Variants in DGCR2 observed in about 807,000 individuals in gnomAD.
DGCR2 encodes the protein DiGeorge syndrome critical region gene 2, also known as integral membrane protein DGCR2/IDD.
DGCR2 carries 24 observed loss-of-function variants against 51.6 expected under a neutral mutation model. The observed-to-expected ratio is 0.47, with a 90% confidence interval of 0.34 to 0.65. DGCR2 has a LOEUF of 0.65. Ranked by LOEUF, DGCR2 falls within the 30% of genes least tolerant of loss-of-function variation. The pLI, the probability that DGCR2 is intolerant of heterozygous loss-of-function variation, is 0.01. For synonymous variants in DGCR2, 340 were observed against 315.4 expected (o/e 1.08, Z -0.82); for missense variants, 765 against 772.1 (o/e 0.99, Z 0.11).
intron 1 of DGCR2, among the ~76,000 whole-genome samples, chr22:19,099,496 TCACCTCA>T (rs1300879623): frequency 4.6e-5 from 7 of 151,738 alleles, no homozygotes. Context: ...GGTGGGAGAA[TCACCTCA>T]GCCTGAGAAG....
intron 2 of DGCR2, among the ~76,000 whole-genome samples, chr22:19,068,460 T>C (rs2082776022): frequency 1.3e-5 from 2 of 152,202 alleles, no homozygotes; most frequent in Admixed American, 6.5e-5. Context: ...TAAGTTACTA[T>C]TGTGAAATGG....
chr22:19,075,698 G>T (rs2082868101), intron 2 of DGCR2, among the ~76,000 whole-genome samples: 1 of 152,164 alleles, frequency 6.6e-6, no homozygotes, highest in African/African-American at 2.4e-5. Flanking sequence ...GTTATTTTGT[G>T]ACAGGCTTAT....
chr22:19,106,172 T>C (rs1322211800), intron 1 of DGCR2, among the ~76,000 whole-genome samples: 1 of 152,140 alleles, frequency 6.6e-6, no homozygotes, highest in Non-Finnish European at 1.5e-5. Context: ...CTGTAAAGCA[T>C]GGAGGTGACC....
chr22:19,051,466 T>C (rs1386377052), intron 6 of DGCR2, among the ~76,000 whole-genome samples: 1 of 152,166 alleles, frequency 6.6e-6, no homozygotes, highest in Non-Finnish European at 1.5e-5. Context: ...AAACAGATCA[T>C]TAGTTCACAC....
Position 19,048,545 on chromosome 22 carries a change from C to T in DGCR2, c.901G>A (p.Gly301Arg), listed in dbSNP as rs1279030277. The change falls in exon 7 of 10, where the codon GGG becomes AGG. Residue 301 changes from glycine to arginine, a missense_variant. Transcript: ENST00000263196. The part of the protein sequence containing the change: ...DPCLSCTCHG[G>R]EPEMCVAALC... Reference sequence around the variant, plus strand: ...GCAGCCACACACATCTCAGGCTCCCCTCCATGGCAGGTGCAGCTCAGGCAT... The same window carrying T: ...GCAGCCACACACATCTCAGGCTCCCTTCCATGGCAGGTGCAGCTCAGGCAT... The T allele has an allele frequency of 6.2e-6, 10 of 1,614,104 alleles. No homozygotes were observed. Among genetic ancestry groups the T allele is most frequent in the African/African-American group, 1.3e-5 (1 of 74,930 alleles).
chr22:19,080,525 C>T (rs1199757744), intron 2 of DGCR2, among the ~76,000 whole-genome samples: 2 of 152,216 alleles, frequency 1.3e-5, no homozygotes, highest in Non-Finnish European at 1.5e-5. Flanking sequence ...GGCTACTACA[C>T]TGGACAGTGT....
At chr22:19,046,647 G>A in intron 7 of DGCR2, 1 of 295,318 alleles carries the variant, frequency 3.4e-6, no homozygotes, top group East Asian at 9.5e-5. Context: ...CAGTTTTGGT[G>A]ATAGTGTCTC....
At chr22:19,102,357 C>T (rs567390564) in intron 1 of DGCR2, among the ~76,000 whole-genome samples, 2 of 152,260 alleles carry the variant, frequency 1.3e-5, no homozygotes, top group Non-Finnish European at 2.9e-5. Context: ...GTGCTCGTTC[C>T]ATAACATTCT....
intron 2 of DGCR2, among the ~76,000 whole-genome samples, chr22:19,087,781 T>C (rs1481906463): frequency 2.7e-5 from 4 of 150,824 alleles, no homozygotes; most frequent in Non-Finnish European, 1.5e-5. Flanking sequence ...TCCTCCCAGG[T>C]TCAAGCAATT....
At chr22:19,090,841 T>G (rs1225948480) in intron 1 of DGCR2, among the ~76,000 whole-genome samples, 1 of 149,188 alleles carries the variant, frequency 6.7e-6, no homozygotes, top group East Asian at 2.0e-4. Flanking sequence ...ATGGTACAAA[T>G]GAAAACAAAG....
intron 1 of DGCR2, among the ~76,000 whole-genome samples, chr22:19,111,906 A>G (rs5993533): frequency 0.31 from 46,775 of 149,734 alleles, 8,272 homozygotes; most frequent in African/African-American, 0.48. Flanking sequence ...AAAGTGATTT[A>G]CCAAGAGTTT....
intron 4 of DGCR2, among the ~76,000 whole-genome samples, chr22:19,064,200 TG>T (rs1440480244): frequency 6.6e-6 from 1 of 152,264 alleles, no homozygotes. Context: ...CCCTATGCTG[TG>T]CAACCACAAG....
chr22:19,047,483 G>T (rs1339699315), intron 7 of DGCR2: 2 of 152,170 alleles, frequency 1.3e-5, no homozygotes, highest in East Asian at 3.9e-4. Flanking sequence ...GCTTCCAAAA[G>T]TCCCCATCAT....
At chr22:19,081,375 G>A (rs1046242346) in intron 2 of DGCR2, among the ~76,000 whole-genome samples, 1 of 151,954 alleles carries the variant, frequency 6.6e-6, no homozygotes, top group African/African-American at 2.4e-5. Flanking sequence ...GTAATATAAC[G>A]ATCTGTTTTG....
chr22:19,076,932 G>A lies in DGCR2; in HGVS notation c.203-8707C>T, dbSNP rs149810466. Among the ~76,000 whole-genome samples, 225 of 151,614 alleles carry A rather than the reference G, an allele frequency of 1.5e-3. 1 individual carries two copies. The East Asian group carries it at 0.016, about 11-fold the overall frequency. On this transcript the variant is annotated intron_variant, in intron 2 of 9. Transcript: ENST00000263196. ...TTTTTAGTAGAGACGGGGTTTCACC[G>A]TGTTAGCCAGGATGGTCTCGATCTC... is the stretch of plus-strand genomic sequence containing the variant.
chr22:19,108,746 G>T (rs1186115006), intron 1 of DGCR2, among the ~76,000 whole-genome samples: 1 of 151,786 alleles, frequency 6.6e-6, no homozygotes, highest in Non-Finnish European at 1.5e-5. Context: ...TAGACAGTTG[G>T]ACTCCACATA....
chr22:19,102,509 T>A (rs1311391782), intron 1 of DGCR2, among the ~76,000 whole-genome samples: 2 of 152,034 alleles, frequency 1.3e-5, no homozygotes, highest in Non-Finnish European at 2.9e-5. Flanking sequence ...AAGACCATCC[T>A]GGCTAACACG....
At chr22:19,053,752 C>T (rs2082573064) in intron 6 of DGCR2, among the ~76,000 whole-genome samples, 1 of 152,126 alleles carries the variant, frequency 6.6e-6, no homozygotes, top group South Asian at 2.1e-4. Context: ...AACTTCCCCA[C>T]AGGGAATTTA....
chr22:19,064,359 C>A (rs182736231), intron 4 of DGCR2, among the ~76,000 whole-genome samples: 1 of 152,258 alleles, frequency 6.6e-6, no homozygotes, highest in Non-Finnish European at 1.5e-5. Flanking sequence ...GAAGGAAAAA[C>A]AACTCCGTCT....
Sources: allele counts gnomAD v4.1 joint callset (sites outside exome capture counted in the v4.1 genomes callset), GRCh38; gene constraint gnomAD v4.1.1; transcripts MANE v1.5; gene names NCBI Gene and HGNC (gene_info 2026-07-23, HGNC 2026-07-21).